GRXCR1: variants seen among roughly 807,000 people sequenced by gnomAD.
GRXCR1 encodes glutaredoxin domain-containing cysteine-rich protein 1.
GRXCR1 carries 27 observed loss-of-function variants against 27.3 expected under a neutral mutation model. The observed-to-expected ratio is 0.99, with a 90% CI of 0.73 to 1.37. The LOEUF is 1.37. GRXCR1 is among the 40% of genes most tolerant of loss of function. The pLI is 0.00. For synonymous variants in GRXCR1, 122 were observed against 131.1 expected, an observed-to-expected ratio of 0.93 and a Z score of 0.47; for missense variants, 379 against 354.4, an observed-to-expected ratio of 1.07 and a Z score of -0.56.
Position 42,963,006 on chromosome 4 carries a change from C to T in GRXCR1, c.499C>T (p.Arg167Cys), listed in dbSNP as rs192948915. 54 of 1,612,804 alleles carry T rather than the reference C, an allele frequency of 3.3e-5. No homozygotes were observed. In the African/African-American group the frequency reaches 5.5e-4, roughly 16 times the overall value. The change falls in exon 2 of 4, where the codon CGC (arginine) becomes TGC (cysteine). Residue 167 changes from arginine (R) to cysteine (C), a missense_variant. Physicochemically the swap from Arg to Cys is radical, Grantham distance 180. Transcript: ENST00000399770. ...ELVRKIFQNH[R>C]VKFEEKNIAL... ...GGTTAGAAAGATTTTCCAAAACCAT[C>T]GCGTAAAATTTGAAGAGAAAAACAT...
intron 1 of GRXCR1, among the ~76,000 whole-genome samples, chr4:42,958,302 A>AT (rs749549378): frequency 2.0e-5 from 3 of 152,012 alleles, no homozygotes; most frequent in Admixed American, 1.3e-4. Context: ...AGGTAAACTA[A>AT]TTTTGAACAA....
At chr4:43,008,696 A>C (rs961456218) in intron 2 of GRXCR1, among the ~76,000 whole-genome samples, 1 of 152,196 alleles carries the variant, frequency 6.6e-6, no homozygotes, top group Admixed American at 6.5e-5. Flanking sequence ...ATATTCTTAT[A>C]AGTAAATAAA....
intron 2 of GRXCR1, among the ~76,000 whole-genome samples, chr4:43,017,936 A>T (rs1311597794): frequency 6.6e-6 from 1 of 152,232 alleles, no homozygotes; most frequent in Non-Finnish European, 1.5e-5. Flanking sequence ...AAAGCAGGGC[A>T]GATTGAGATT....
At chr4:42,931,218 C>A (rs1747297373) in intron 1 of GRXCR1, among the ~76,000 whole-genome samples, 1 of 151,960 alleles carries the variant, frequency 6.6e-6, no homozygotes. Context: ...TGGTTACAGG[C>A]CCACTTCAAT....
At chr4:42,926,378 T>C (rs1489897644) in intron 1 of GRXCR1, among the ~76,000 whole-genome samples, 1 of 152,056 alleles carries the variant, frequency 6.6e-6, no homozygotes, top group African/African-American at 2.4e-5. Flanking sequence ...GTGCACAGAA[T>C]GGTGCCTGGC....
chr4:42,924,183 T>G (rs1381110765), intron 1 of GRXCR1, among the ~76,000 whole-genome samples: 1 of 152,128 alleles, frequency 6.6e-6, no homozygotes, highest in African/African-American at 2.4e-5. Context: ...GAATCGGGTC[T>G]TACAATTCAC....
At chr4:43,015,739 G>A (rs1460772381) in intron 2 of GRXCR1, among the ~76,000 whole-genome samples, 1 of 150,810 alleles carries the variant, frequency 6.6e-6, no homozygotes, top group African/African-American at 2.4e-5. Context: ...AAGATGAGGT[G>A]GTTTATGACT....
In GRXCR1 at chr4:42,903,655, A is replaced by G. The variant is rs557925967; in HGVS notation, c.384+10005A>G. ...AATTTCCCTTTTCATACATTTATAT[A>G]TGCCCCTTCCCATTTTTCTTTTTTC... On this transcript the variant is annotated intron_variant, in intron 1 of 3. Transcript: ENST00000399770. Among the ~76,000 whole-genome samples, 3 of 147,778 alleles carry G rather than the reference A, an allele frequency of 2.0e-5. 1 individual carries two copies. Among genetic ancestry groups the G allele is most frequent in the East Asian group, 4.6e-4 (2 of 4,310 alleles).
intron 1 of GRXCR1, among the ~76,000 whole-genome samples, chr4:42,920,842 C>T (rs1272844082): frequency 6.6e-6 from 1 of 152,032 alleles, no homozygotes; most frequent in African/African-American, 2.4e-5. Flanking sequence ...TAGTTCTTCC[C>T]TCTGGTTTTT....
intron 1 of GRXCR1, among the ~76,000 whole-genome samples, chr4:42,907,079 G>A (rs1273636238): frequency 1.3e-5 from 2 of 152,142 alleles, no homozygotes; most frequent in Non-Finnish European, 2.9e-5. Flanking sequence ...GGTTAGGCAG[G>A]GAAGAAAGCG....
rs530794301 is a variant in GRXCR1 at position 42,955,126 on chromosome 4, C to T, written c.385-7766C>T. Among the ~76,000 whole-genome samples the T allele has an allele frequency of 4.2e-4, 64 of 152,212 alleles. 1 individual carries two copies. Among genetic ancestry groups the T allele is most frequent in the African/African-American group, 1.5e-3 (62 of 41,548 alleles). ...CTGTTCCTGGAGCCAGGTTGGCCCA[C>T]TGCCTGATAATCAAGAAATCTGGGT... is the stretch of plus-strand genomic sequence containing the variant. On this transcript the variant is annotated intron_variant, in intron 1 of 3. Transcript: ENST00000399770.
chr4:43,017,605 C>T (rs1478072136), intron 2 of GRXCR1, among the ~76,000 whole-genome samples: 5 of 152,146 alleles, frequency 3.3e-5, no homozygotes, highest in Admixed American at 6.5e-5. Context: ...AAGAAAAAAT[C>T]GATTCTGAAC....
intron 3 of GRXCR1, among the ~76,000 whole-genome samples, chr4:43,020,775 T>C (rs1173223828): frequency 6.6e-6 from 1 of 152,210 alleles, no homozygotes; most frequent in Non-Finnish European, 1.5e-5. Context: ...TCTTCCTACA[T>C]ATAGAAGAGC....
At chr4:43,025,415 T>C (rs1029610111) in intron 3 of GRXCR1, among the ~76,000 whole-genome samples, 5 of 152,208 alleles carry the variant, frequency 3.3e-5, no homozygotes, top group African/African-American at 1.2e-4. Flanking sequence ...AATGAATAAG[T>C]AAAAGGTCTC....
intron 1 of GRXCR1, among the ~76,000 whole-genome samples, chr4:42,923,216 A>G (rs1222815419): frequency 6.6e-6 from 1 of 152,094 alleles, no homozygotes; most frequent in Non-Finnish European, 1.5e-5. Context: ...TGCCTACTCA[A>G]TGGTCCTCTG....
intron 1 of GRXCR1, among the ~76,000 whole-genome samples, chr4:42,923,012 C>A (rs754115703): frequency 6.6e-6 from 1 of 152,098 alleles, no homozygotes; most frequent in Non-Finnish European, 1.5e-5. Flanking sequence ...CAGATCTGCA[C>A]AATAATTGCA....
intron 2 of GRXCR1, among the ~76,000 whole-genome samples, chr4:42,969,676 C>T (rs1353620721): frequency 6.6e-6 from 1 of 152,052 alleles, no homozygotes; most frequent in Non-Finnish European, 1.5e-5. Flanking sequence ...ATTCAATCAC[C>T]TCCCATCAGG....
At chr4:43,001,745 T>C (rs1055621409) in intron 2 of GRXCR1, among the ~76,000 whole-genome samples, 1 of 151,686 alleles carries the variant, frequency 6.6e-6, no homozygotes, top group African/African-American at 2.4e-5. Flanking sequence ...CAACAGTGGG[T>C]CCAGGGGACC....
chr4:42,898,349 G>A (rs1400975294), intron 1 of GRXCR1, among the ~76,000 whole-genome samples: 1 of 151,714 alleles, frequency 6.6e-6, no homozygotes, highest in African/African-American at 2.4e-5. Context: ...CTATAACATC[G>A]TTTGATTAAA....
Sources: allele counts gnomAD v4.1 joint callset (sites outside exome capture counted in the v4.1 genomes callset), GRCh38; gene constraint gnomAD v4.1.1; transcripts MANE v1.5; gene names NCBI Gene and HGNC (gene_info 2026-07-23, HGNC 2026-07-21).